ZCWPW2: variants seen among roughly 807,000 people sequenced by gnomAD.
The protein encoded by ZCWPW2 is zinc finger CW-type and PWWP domain containing 2, also known as zinc finger CW-type PWWP domain protein 2.
A neutral mutation model predicts 46.6 loss-of-function variants in ZCWPW2; 45 were observed. That is an observed-to-expected ratio of 0.96 (90% CI 0.76 to 1.24). ZCWPW2 has a LOEUF of 1.24. ZCWPW2 is among the 50% of genes most tolerant of loss of function. The pLI is 0.00. For synonymous variants in ZCWPW2, 152 were observed against 137.1 expected (o/e 1.11, Z -0.76); for missense variants, 429 against 403.9 (o/e 1.06, Z -0.53).
chr3:28,454,421 G>T lies in ZCWPW2; in HGVS notation c.492+19152G>T, dbSNP rs142795504. Among the ~76,000 whole-genome samples, 387 of 152,222 alleles carry T rather than the reference G, an allele frequency of 2.5e-3. 1 individual carries two copies. The highest frequency in any genetic ancestry group is 8.4e-3 in the African/African-American group (351 of 41,552). On this transcript the variant is annotated intron_variant, in intron 4 of 9. Coordinates refer to ENST00000383768, the MANE Select transcript of ZCWPW2 (RefSeq NM_001040432.4). ...TCCTTTGTTATCTTTGTCATTACAG[G>T]CAAGTGTTATTCCCTTTCATGAGTA... is the stretch of plus-strand genomic sequence containing the variant.
chr3:28,412,953 A>G (rs1696461675), intron 2 of ZCWPW2, 103 bp from the exon 3 acceptor site: 1 of 849,268 alleles, frequency 1.2e-6, no homozygotes, highest in Non-Finnish European at 1.8e-6. Flanking sequence ...GGGGGTGGGC[A>G]TAGAAGATAT....
intron 1 of ZCWPW2, among the ~76,000 whole-genome samples, chr3:28,389,032 A>G (rs973289191): frequency 3.9e-5 from 6 of 152,190 alleles, no homozygotes; most frequent in Non-Finnish European, 8.8e-5. Flanking sequence ...ATTTAGATCA[A>G]TAAGGAGCCC....
At chr3:28,455,865 C>T (rs544258993) in intron 4 of ZCWPW2, among the ~76,000 whole-genome samples, 31 of 152,210 alleles carry the variant, frequency 2.0e-4, no homozygotes, top group Non-Finnish European at 2.8e-4. Context: ...GTACCAGTAC[C>T]GTGCTGTTTT....
chr3:28,423,706 T>G (rs996774180), intron 3 of ZCWPW2, among the ~76,000 whole-genome samples: 2 of 152,026 alleles, frequency 1.3e-5, no homozygotes, highest in African/African-American at 4.8e-5. Context: ...GGTTGTTTGC[T>G]TCATAGGGCC....
In ZCWPW2 at chr3:28,391,613, A is replaced by G. The variant is rs75194953; in HGVS notation, c.-14+996A>G. ...TCAGCAGTGTGGCTTATGCTACCAC[A>G]TGGCAGCCCCTGTGGAAGCCATGGA... On this transcript the variant is annotated intron_variant, in intron 2 of 9. Transcript: ENST00000383768. Among the ~76,000 whole-genome samples the G allele has an allele frequency of 2.5e-4, 38 of 152,292 alleles. No homozygotes were observed. In the East Asian group the frequency reaches 5.6e-3, roughly 22 times the overall value.
chr3:28,475,962 A>G (rs956164373), intron 4 of ZCWPW2, among the ~76,000 whole-genome samples: 35 of 152,088 alleles, frequency 2.3e-4, no homozygotes, highest in African/African-American at 7.7e-4. Flanking sequence ...CATAGGCTAC[A>G]ATGTAAGCTT....
chr3:28,468,979 A>C (rs1409502379), intron 4 of ZCWPW2, among the ~76,000 whole-genome samples: 1 of 152,192 alleles, frequency 6.6e-6, no homozygotes, highest in African/African-American at 2.4e-5. Context: ...AGACTAAAAG[A>C]TGAACCAATC....
At chr3:28,523,480 T>A (rs1700774834) in intron 9 of ZCWPW2, among the ~76,000 whole-genome samples, 1 of 152,098 alleles carries the variant, frequency 6.6e-6, no homozygotes, top group Non-Finnish European at 1.5e-5. Context: ...AGATGTGTTG[T>A]TTTTAGGGGA....
rs146887401 is a variant in ZCWPW2, at chr3:28,367,767, T to C, written c.-134+18564T>C. Among the ~76,000 whole-genome samples the C allele has an allele frequency of 2.5e-3, 377 of 152,314 alleles. 1 individual carries two copies. The highest frequency in any genetic ancestry group is 8.3e-3 in the African/African-American group (343 of 41,562). On this transcript the variant is annotated intron_variant, in intron 1 of 9. Transcript: ENST00000383768. ...GGGTGTTAAAGTCTCCCATTATTAT[T>C]GTGTGGGAGTCTAAGTCTCTTTGTA... is the stretch of plus-strand genomic sequence containing the variant.
intron 2 of ZCWPW2, among the ~76,000 whole-genome samples, chr3:28,408,021 T>A (rs566045993): frequency 6.6e-6 from 1 of 152,196 alleles, no homozygotes; most frequent in Non-Finnish European, 1.5e-5. Context: ...AGAATAAGCA[T>A]TTTATGATCT....
intron 1 of ZCWPW2, among the ~76,000 whole-genome samples, chr3:28,387,117 C>G (rs34507768): frequency 5.9e-5 from 9 of 152,290 alleles, no homozygotes; most frequent in Non-Finnish European, 1.3e-4. Flanking sequence ...AGAGATTACC[C>G]TATATGCTGT....
intron 4 of ZCWPW2, among the ~76,000 whole-genome samples, chr3:28,453,253 C>T (rs919127867): frequency 3.9e-5 from 6 of 152,332 alleles, no homozygotes; most frequent in African/African-American, 1.4e-4. Context: ...GATTCACTCA[C>T]ATTTATATAT....
chr3:28,380,966 A>ACAGAAAAG (rs1695046016), intron 1 of ZCWPW2, among the ~76,000 whole-genome samples: 1 of 40,786 alleles, frequency 2.5e-5, no homozygotes, highest in African/African-American at 1.3e-4. Context: ...ATATATATAT[A>ACAGAAAAG]TATATTTGGT....
At chr3:28,385,959 A>T (rs527317392) in intron 1 of ZCWPW2, among the ~76,000 whole-genome samples, 2 of 151,014 alleles carry the variant, frequency 1.3e-5, no homozygotes, top group Non-Finnish European at 1.5e-5. Context: ...AAATATATAC[A>T]TTGTATCCTT....
At chr3:28,445,601 C>T (rs1697958277) in intron 4 of ZCWPW2, among the ~76,000 whole-genome samples, 1 of 151,926 alleles carries the variant, frequency 6.6e-6, no homozygotes, top group Non-Finnish European at 1.5e-5. Context: ...AAAAATTAAA[C>T]ACAAAAGAAG....
rs375811832 is a variant in ZCWPW2 at position 28,503,857 on chromosome 3, TATA to T, written c.658-10204_658-10202del. On this transcript the variant is annotated intron_variant, in intron 6 of 9. Coordinates refer to ENST00000383768, the MANE Select transcript of ZCWPW2 (RefSeq NM_001040432.4). ...TACTACTTCTAAAATTATTTAAAAT[TATA>T]ATGATTTTGAGATGCTATTTGTCTT... Among the ~76,000 whole-genome samples, 970 of 152,160 alleles carry T rather than the reference TATA, an allele frequency of 6.4e-3. 6 individuals carry two copies. The highest frequency in any genetic ancestry group is 0.011 in the Admixed American group (161 of 15,244).
chr3:28,381,012 A>ATG lies in ZCWPW2; in HGVS notation c.-133-9485_-133-9484insGT, dbSNP rs1448921652. ...ATATATATATTTGGTATATATATAT[A>ATG]TATATATATTTGGTATATATATATA... On this transcript the variant is annotated intron_variant, in intron 1 of 9. Coordinates refer to ENST00000383768, the MANE Select transcript of ZCWPW2 (RefSeq NM_001040432.4). Among the ~76,000 whole-genome samples, 2 of 40,680 alleles carry ATG rather than the reference A, an allele frequency of 4.9e-5. 1 individual carries two copies. The highest frequency in any genetic ancestry group is 9.3e-5 in the Non-Finnish European group (2 of 21,498). The allele number at this position is 40,680 out of a possible 152,430, so 26.7% of individuals were successfully genotyped here.
Position 28,367,517 on chromosome 3 carries a change from T to G in ZCWPW2, c.-134+18314T>G, listed in dbSNP as rs367556834. On this transcript the variant is annotated intron_variant, in intron 1 of 9. Coordinates refer to ENST00000383768, the MANE Select transcript of ZCWPW2 (RefSeq NM_001040432.4). The stretch of plus-strand genomic sequence containing the variant: ...GCACTGTCGTCTGAGAGACAGTTTG[T>G]TATAATTTCTGTTCTTTTACATTTG... 2.6e-5 allele frequency among the ~76,000 whole-genome samples: 4 copies of G among 152,332 alleles called. No homozygotes were observed. The East Asian group carries it at 7.7e-4, about 29-fold the overall frequency.
At chr3:28,387,804 T>G (rs1208998004) in intron 1 of ZCWPW2, among the ~76,000 whole-genome samples, 1 of 152,218 alleles carries the variant, frequency 6.6e-6, no homozygotes, top group African/African-American at 2.4e-5. Context: ...AATGTAATTT[T>G]AGAATCTAAC....
Sources: gnomAD v4.1 joint callset for allele counts (sites outside exome capture counted in the v4.1 genomes callset) on GRCh38, gnomAD v4.1.1 for gene constraint, MANE v1.5 for transcripts, NCBI Gene and HGNC (gene_info 2026-07-23, HGNC 2026-07-21) for gene names.